The following MAP3K15 variants were observed in gnomAD, a reference collection of about 807,000 sequenced individuals.
MAP3K15 encodes MAPK/ERK kinase kinase 15.
Under a neutral mutation model 99.5 loss-of-function variants are expected in MAP3K15, and 124 were observed. The observed-to-expected ratio is 1.25, with a 90% confidence interval of 1.08 to 1.45. The LOEUF is 1.45. Ranked by LOEUF, MAP3K15 falls within the 40% of genes most tolerant of loss-of-function variation. The pLI, the probability that MAP3K15 is intolerant of heterozygous loss-of-function variation, is 0.00. For synonymous variants in MAP3K15, 494 were observed against 439.6 expected (o/e 1.12, Z -1.55); for missense variants, 1,242 against 1,079.7 (o/e 1.15, Z -2.11).
At chrX:19,437,065 C>T (rs1047286420) in intron 6 of MAP3K15, among the ~76,000 whole-genome samples, 2 of 111,963 alleles carry the variant, frequency 1.8e-5, no homozygotes, top group Non-Finnish European at 3.8e-5. Flanking sequence ...CTTCCTCTTA[C>T]TCAGGCCAAA....
At chrX:19,409,285 G>A (rs917137757) in intron 12 of MAP3K15, among the ~76,000 whole-genome samples, 16 of 111,394 alleles carry the variant, frequency 1.4e-4, no homozygotes, top group African/African-American at 4.6e-4. Context: ...GAGACTTAGA[G>A]AAGCTGAGTG....
chrX:19,436,574 C>G (rs1170272839), intron 6 of MAP3K15, among the ~76,000 whole-genome samples: 1 of 111,443 alleles, frequency 9.0e-6, no homozygotes, highest in Non-Finnish European at 1.9e-5. Context: ...ATTTCTATCT[C>G]CAGCCTAGGC....
intron 4 of MAP3K15, among the ~76,000 whole-genome samples, chrX:19,461,243 T>C (rs2064131202): frequency 4.5e-5 from 5 of 112,314 alleles, no homozygotes; most frequent in Non-Finnish European, 9.4e-5. Flanking sequence ...CCTCCCAAAG[T>C]GCTGGGATTA....
chrX:19,397,199 C>T (rs188553210), intron 15 of MAP3K15, among the ~76,000 whole-genome samples: 4 of 110,842 alleles, frequency 3.6e-5, no homozygotes, highest in Admixed American at 2.9e-4. Context: ...CTACAATGCC[C>T]GGCTAGAAAC....
At chrX:19,493,346 CAAAA>C (rs755083263) in intron 1 of MAP3K15, among the ~76,000 whole-genome samples, 1 of 49,191 alleles carries the variant, frequency 2.0e-5, no homozygotes, top group African/African-American at 7.5e-5. Flanking sequence ...TACTGCTACT[CAAAA>C]AAAAAAAAAA....
chrX:19,499,721 A>C (rs768661645), intron 1 of MAP3K15, among the ~76,000 whole-genome samples: 11 of 112,236 alleles, frequency 9.8e-5, no homozygotes, highest in Admixed American at 8.5e-4. Context: ...ATTTAGATGA[A>C]GCTCTAGGAA....
chrX:19,371,599 G>GA (rs1228053708), intron 22 of MAP3K15, 69 bp from the exon 23 acceptor site: 3 of 987,042 alleles, frequency 3.0e-6, no homozygotes, highest in Non-Finnish European at 4.2e-6. Flanking sequence ...CACACTGGGG[G>GA]AAACAAGATG....
chrX:19,448,563 C>A (rs902295811), intron 6 of MAP3K15, among the ~76,000 whole-genome samples: 10 of 107,614 alleles, frequency 9.3e-5, no homozygotes, highest in Non-Finnish European at 1.7e-4. Flanking sequence ...AGGTCCCCCC[C>A]TGTCCCCGAA....
chrX:19,396,901 C>A (rs1197217195), intron 15 of MAP3K15, among the ~76,000 whole-genome samples: 1 of 99,725 alleles, frequency 1.0e-5, no homozygotes, highest in African/African-American at 3.7e-5. Context: ...TAAATTTAAA[C>A]TTTTTTTTTT....
At chrX:19,369,335 G>A in intron 24 of MAP3K15, 116 bp from the exon 25 acceptor site, 1 of 786,933 alleles carries the variant, frequency 1.3e-6, no homozygotes, top group Non-Finnish European at 1.9e-6. Flanking sequence ...CCCGTGCCAT[G>A]CTCCATTAGG....
At chrX:19,436,254 C>G (rs1218202941) in intron 6 of MAP3K15, among the ~76,000 whole-genome samples, 1 of 111,157 alleles carries the variant, frequency 9.0e-6, no homozygotes, top group Non-Finnish European at 1.9e-5. Flanking sequence ...TCATGCTGGA[C>G]TTTCTGCGTC....
intron 6 of MAP3K15, among the ~76,000 whole-genome samples, chrX:19,455,848 C>T (rs2064089310): frequency 9.0e-6 from 1 of 110,738 alleles, no homozygotes; most frequent in East Asian, 2.8e-4. Flanking sequence ...TTACAGTGTG[C>T]CAGGCACTCT....
In MAP3K15 at chrX:19,393,760, CTTTTTTTTTTTT is replaced by C. The variant is rs761246318; in HGVS notation, c.2195-1299_2195-1288del. ...TGAAAATCTAGCCCACTGCCTGGCT[CTTTTTTTTTTTT>C]TTTTTTTTTTTTTTTTTGAAGACGG... On this transcript the variant is annotated intron_variant, in intron 16 of 28. Transcript: ENST00000338883. 1.8e-4 allele frequency among the ~76,000 whole-genome samples: 11 copies of C among 60,243 alleles called. No homozygotes were observed. The East Asian group carries it at 2.2e-3, about 12-fold the overall frequency. 52.3% of individuals were successfully genotyped at this position (60,243 alleles called of 115,157 possible).
chrX:19,420,363 T>C (rs1160055037), intron 9 of MAP3K15, among the ~76,000 whole-genome samples: 18 of 109,909 alleles, frequency 1.6e-4, no homozygotes, highest in East Asian at 2.8e-4. Context: ...ATATCACCAC[T>C]GATCCCACAG....
At chrX:19,454,371 TAATAAAGCCCCA>T (rs2064077309) in intron 6 of MAP3K15, among the ~76,000 whole-genome samples, 1 of 112,049 alleles carries the variant, frequency 8.9e-6, no homozygotes, top group Non-Finnish European at 1.9e-5. Flanking sequence ...TTCATATATC[TAATAAAGCCCCA>T]TTTGTAAAAG....
chrX:19,486,402 G>A lies in MAP3K15; in HGVS notation c.525+80C>T, dbSNP rs781270044. On this transcript the variant is annotated intron_variant, in intron 3 of 28. Coordinates refer to ENST00000338883, the MANE Select transcript of MAP3K15 (RefSeq NM_001001671.4). The stretch of plus-strand genomic sequence containing the variant: ...GATTAGAAGTCATCTTGCTACCTGG[G>A]CGATTTTCAGGCAAGCATTTTACAA... The A allele has an allele frequency of 1.5e-4, 62 of 413,257 alleles. No individual in the cohort carries two copies. In the African/African-American group the frequency reaches 1.6e-3, roughly 11 times the overall value. 34.1% of individuals were successfully genotyped at this position (413,257 alleles called of 1,213,427 possible).
intron 16 of MAP3K15, among the ~76,000 whole-genome samples, chrX:19,394,134 C>T (rs1462260461): frequency 9.0e-6 from 1 of 111,108 alleles, no homozygotes; most frequent in Non-Finnish European, 1.9e-5. Context: ...CTCTTAATAA[C>T]TGTCAGTTGA....
At chrX:19,433,253 G>T (rs2063897494) in intron 6 of MAP3K15, among the ~76,000 whole-genome samples, 1 of 111,066 alleles carries the variant, frequency 9.0e-6, no homozygotes, top group African/African-American at 3.3e-5. Context: ...CTAGTAAAAC[G>T]TTATTTCTGG....
chrX:19,407,158 T>A, intron 13 of MAP3K15, 30 bp downstream of exon 13: 1 of 933,452 alleles, frequency 1.1e-6, no homozygotes, highest in Non-Finnish European at 1.5e-6. Context: ...CATAATTACA[T>A]TGCAAATACC....
Sources: allele counts gnomAD v4.1 joint callset (sites outside exome capture counted in the v4.1 genomes callset), GRCh38; gene constraint gnomAD v4.1.1; transcripts MANE v1.5; gene names NCBI Gene and HGNC (gene_info 2026-07-23, HGNC 2026-07-21).